The following TNRC6A variants were observed in gnomAD, a reference collection of about 807,000 sequenced individuals.
The protein encoded by TNRC6A is trinucleotide repeat-containing gene 6A protein.
TNRC6A carries 44 observed loss-of-function variants against 221.2 expected under a neutral mutation model. The observed-to-expected ratio is 0.20, with a 90% CI of 0.16 to 0.26. TNRC6A has a LOEUF of 0.26. Ranked by LOEUF, TNRC6A falls within the 10% of genes least tolerant of loss-of-function variation. The pLI, the probability that TNRC6A is intolerant of heterozygous loss-of-function variation, is 1.00. For missense variants in TNRC6A, 2,199 were observed against 2,404.4 expected (o/e 0.91, Z 1.79); for synonymous variants, 847 against 838.5 (o/e 1.01, Z -0.18).
Position 24,794,587 on chromosome 16 carries a change from A to G in TNRC6A, c.3396A>G (p.Pro1132=). 2 of 1,614,044 alleles carry G rather than the reference A, an allele frequency of 1.2e-6. No homozygotes were observed. Among genetic ancestry groups the G allele is most frequent in the Non-Finnish European group, 1.7e-6 (2 of 1,179,948 alleles). Residue 1132 remains proline (P), a synonymous_variant, in exon 8 of 25, where the codon CCA becomes CCG. Coordinates refer to ENST00000395799, the MANE Select transcript of TNRC6A (RefSeq NM_014494.4). ...ATGGCTGGTGTGGTGATGATATGCC[A>G]TTGCCTGGAAATCGCCCCACTGGCT... ...MQDGWCGDDM[P]LPGNRPTGWE... is the part of the protein sequence containing the mutation.
chr16:24,805,461 G>A, intron 14 of TNRC6A, 144 bp from the exon 15 acceptor site: 1 of 1,215,200 alleles, frequency 8.2e-7, no homozygotes, highest in Non-Finnish European at 1.1e-6. Context: ...TGAGTGGTCA[G>A]TTAGTAAGAC....
At chr16:24,728,188 C>T (rs1307638298), upstream of TNRC6A, among the ~76,000 whole-genome samples, 1 of 152,146 alleles carries the variant, frequency 6.6e-6, no homozygotes, top group Non-Finnish European at 1.5e-5. Flanking sequence ...GTGGCTCACG[C>T]CTGTAATCCC....
rs75997926 is a variant in TNRC6A at position 24,818,710 on chromosome 16, G to A, written c.5080+10G>A. ...GCACAAAGCACTTCAGGTGGGCCTC[G>A]CCTTCGCTCAGGAAGGGAGGGTTGG... On this transcript the variant is annotated intron_variant, in intron 21 of 24. Coordinates refer to ENST00000395799, the MANE Select transcript of TNRC6A (RefSeq NM_014494.4). The A allele has an allele frequency of 6.8e-6, 11 of 1,608,502 alleles. No homozygotes were observed. In the South Asian group the frequency reaches 1.1e-4, roughly 16 times the overall value.
intron 2 of TNRC6A, among the ~76,000 whole-genome samples, chr16:24,735,941 G>C (rs2056757450): frequency 6.6e-6 from 1 of 152,144 alleles, no homozygotes; most frequent in African/African-American, 2.4e-5. Context: ...GAGGTGGGCA[G>C]ATCACTGGAG....
chr16:24,638,619 A>G (rs996334894), intron 1 of TNRC6A, among the ~76,000 whole-genome samples: 16 of 152,124 alleles, frequency 1.1e-4, no homozygotes. Flanking sequence ...AGGCTGAGGC[A>G]GGAGAATCAC....
upstream of TNRC6A, among the ~76,000 whole-genome samples, chr16:24,728,012 C>A (rs1191506924): frequency 6.6e-6 from 1 of 151,936 alleles, no homozygotes; most frequent in Non-Finnish European, 1.5e-5. Flanking sequence ...GAAAAAAAGT[C>A]ATAATCAGTT....
intron 2 of TNRC6A, among the ~76,000 whole-genome samples, chr16:24,695,184 A>G (rs1414135824): frequency 6.6e-6 from 1 of 152,142 alleles, no homozygotes; most frequent in Non-Finnish European, 1.5e-5. Context: ...CTAGCTGAAG[A>G]AAACGAAACT....
chr16:24,783,278 A>T (rs2057892982), intron 5 of TNRC6A, among the ~76,000 whole-genome samples: 1 of 152,010 alleles, frequency 6.6e-6, no homozygotes, highest in Admixed American at 6.5e-5. Context: ...ATAAGCGTCC[A>T]CCACCATGCC....
intron 2 of TNRC6A, among the ~76,000 whole-genome samples, chr16:24,672,318 T>C (rs987143974): frequency 3.3e-5 from 5 of 151,966 alleles, no homozygotes; most frequent in Admixed American, 1.3e-4. Context: ...TTAGTAGAGA[T>C]GGGGTTTCAC....
At chr16:24,730,433 C>A in intron 2 of TNRC6A, 133 bp downstream of exon 2, 1 of 1,001,190 alleles carries the variant, frequency 1.0e-6, no homozygotes, top group Non-Finnish European at 1.5e-6. Context: ...TCGGGAGAAG[C>A]GGCCTGGGGG....
chr16:24,808,437 C>G (rs2058477881), intron 17 of TNRC6A, among the ~76,000 whole-genome samples: 1 of 152,230 alleles, frequency 6.6e-6, no homozygotes, highest in Non-Finnish European at 1.5e-5. Flanking sequence ...TTTCTCTAAC[C>G]TGGGGTCTGT....
At chr16:24,717,226 A>T (rs974501995) in intron 2 of TNRC6A, among the ~76,000 whole-genome samples, 1 of 152,110 alleles carries the variant, frequency 6.6e-6, no homozygotes, top group Admixed American at 6.6e-5. Context: ...CTAGGACTAC[A>T]GGCATGAGTC....
At chr16:24,802,916 C>G (rs77369333) in intron 11 of TNRC6A, among the ~76,000 whole-genome samples, 1 of 151,988 alleles carries the variant, frequency 6.6e-6, no homozygotes, top group East Asian at 1.9e-4. Flanking sequence ...GCTTTTGGGC[C>G]GGAGCTGGCT....
intron 2 of TNRC6A, among the ~76,000 whole-genome samples, chr16:24,679,509 C>T (rs1406643396): frequency 6.6e-6 from 1 of 151,040 alleles, no homozygotes; most frequent in Non-Finnish European, 1.5e-5. Context: ...CGGAGTCTTG[C>T]TCTGTCGCCC....
rs375501182 is a variant in TNRC6A, at chr16:24,790,093, G to A, written c.1451G>A (p.Arg484His). Reference protein sequence around the residue: ...ELPSSNTGAWRVSTMNHPQMQ... With the variant: ...ELPSSNTGAWHVSTMNHPQMQ... ...CCTAGTAGTAACACAGGGGCCTGGC[G>A]TGTGAGCACAATGAATCATCCTCAG... The change falls in exon 6 of 25, where the codon CGT (arginine) becomes CAT (histidine). Residue 484 changes from arginine (R) to histidine (H), a missense_variant. Arg to His is a conservative substitution (Grantham distance 29, BLOSUM62 0). Around this residue, in one of 8 missense-constraint regions of TNRC6A, gnomAD observed 1,405 missense variants for 1,400.2 expected, o/e 1.00. Transcript: ENST00000395799. The A allele has an allele frequency of 1.8e-5, 29 of 1,614,074 alleles. No homozygotes were observed. Among genetic ancestry groups the A allele is most frequent in the Admixed American group, 1.5e-4 (9 of 60,004 alleles).
At chr16:24,702,103 TTTTC>T (rs139935613) in intron 2 of TNRC6A, among the ~76,000 whole-genome samples, 61,800 of 136,472 alleles carry the variant, frequency 0.45, 14,298 homozygotes, top group African/African-American at 0.61. Flanking sequence ...TTCTTTTCTT[TTTTC>T]TTTTTTTTTT....
intron 4 of TNRC6A, among the ~76,000 whole-genome samples, chr16:24,769,847 T>C (rs977426939): frequency 3.9e-5 from 6 of 152,230 alleles, no homozygotes; most frequent in Non-Finnish European, 8.8e-5. Context: ...TTGTTCTATC[T>C]TGTTTTGCAT....
intron 2 of TNRC6A, among the ~76,000 whole-genome samples, chr16:24,721,840 G>A (rs182593473): frequency 3.2e-4 from 49 of 152,268 alleles, no homozygotes; most frequent in African/African-American, 1.1e-3. Flanking sequence ...CTTAATACAC[G>A]CAATCATATG....
intron 2 of TNRC6A, among the ~76,000 whole-genome samples, chr16:24,713,456 AT>A (rs1358627430): frequency 0.018 from 986 of 53,612 alleles, 11 homozygotes; most frequent in African/African-American, 0.061. Context: ...AAACAAAAAA[AT>A]ATATATATAT....
Sources: allele counts gnomAD v4.1 joint callset (sites outside exome capture counted in the v4.1 genomes callset), GRCh38; gene constraint gnomAD v4.1.1; regional missense constraint gnomAD v4.1.1; transcripts MANE v1.5; gene names NCBI Gene and HGNC (gene_info 2026-07-23, HGNC 2026-07-21).